The following FAM107B variants were observed in gnomAD, a reference collection of about 807,000 sequenced individuals.
FAM107B encodes the protein protein FAM107B.
In FAM107B, 21 loss-of-function variants were observed where a neutral mutation model predicts 31.5. That is an observed-to-expected ratio of 0.67 (90% CI 0.47 to 0.96). The LOEUF is 0.96. Among genes scored for constraint, FAM107B ranks in the 40% least tolerant of loss-of-function variants. The probability of loss-of-function intolerance (pLI) is 0.00; values close to 1 mark genes in which losing one functional copy is unlikely to be tolerated. For missense variants in FAM107B, 452 were observed against 377.1 expected (o/e 1.20, Z -1.64); for synonymous variants, 157 against 141.5 (o/e 1.11, Z -0.78).
At chr10:14,661,586 C>A (rs1854241379) in intron 2 of FAM107B, 1 of 152,230 alleles carries the variant, frequency 6.6e-6, no homozygotes, top group Non-Finnish European at 1.5e-5. Flanking sequence ...TAGAATTTCA[C>A]CACTGGGGCT....
intron 1 of FAM107B, among the ~76,000 whole-genome samples, chr10:14,719,656 G>A (rs567945601): frequency 6.6e-6 from 1 of 152,284 alleles, no homozygotes; most frequent in South Asian, 2.1e-4. Context: ...TCGAGGGGGA[G>A]AGAAAGGAAA....
In FAM107B at chr10:14,698,778, G is replaced by A. The variant is rs867425560; in HGVS notation, c.412-31087C>T. On this transcript the variant is annotated intron_variant, in intron 1 of 4. Transcript: ENST00000181796. The stretch of plus-strand genomic sequence containing the variant: ...AATGACAAATTAGAAGACGTTGCCC[G>A]GCCCTCTTTGAGCCTGAGACATAAG... 6.6e-4 allele frequency among the ~76,000 whole-genome samples: 100 copies of A among 152,182 alleles called. 5 individuals carry two copies. The highest frequency in any genetic ancestry group is 2.1e-4 in the South Asian group (1 of 4,830).
chr10:14,536,293 C>T (rs981422161), intron 2 of FAM107B, among the ~76,000 whole-genome samples: 1 of 152,226 alleles, frequency 6.6e-6, no homozygotes, highest in African/African-American at 2.4e-5. Context: ...TACAGGTGCG[C>T]TACCACCAAC....
intron 1 of FAM107B, among the ~76,000 whole-genome samples, chr10:14,767,053 TATAGAGAGAGAG>T (rs1209734314): frequency 1.7e-3 from 44 of 26,408 alleles, no homozygotes; most frequent in East Asian, 5.6e-3. Flanking sequence ...TATATATATA[TATAGAGAGAGAG>T]AGAGAGAGAG....
At chr10:14,737,792 C>CTCTT (rs986186398) in intron 1 of FAM107B, among the ~76,000 whole-genome samples, 174 of 151,442 alleles carry the variant, frequency 1.1e-3, no homozygotes, top group African/African-American at 4.0e-3. Context: ...CTCTCTCTCT[C>CTCTT]TCTCTCTCCT....
chr10:14,668,029 G>GT lies in FAM107B; in HGVS notation c.412-339dup, dbSNP rs555755346. Among the ~76,000 whole-genome samples, 1,083 of 151,268 alleles carry GT rather than the reference G, an allele frequency of 7.2e-3. 15 individuals are homozygous for GT. Among genetic ancestry groups the GT allele is most frequent in the African/African-American group, 0.025 (1,021 of 40,948 alleles). On this transcript the variant is annotated intron_variant, in intron 1 of 4. Transcript: ENST00000181796. Reference sequence around the variant, plus strand: ...GTGACTTAGAAATGATGGTGACGGGGTTTTTTTTGTTTTTTGTTTTTTGGG... The same window carrying GT: ...GTGACTTAGAAATGATGGTGACGGGGTTTTTTTTTGTTTTTTGTTTTTTGGG...
chr10:14,671,888 A>C lies in FAM107B; in HGVS notation c.412-4197T>G, dbSNP rs998035810. The stretch of plus-strand genomic sequence containing the variant: ...CCTTTTATTTAAAAAAAAAAAACAA[A>C]AAAACAAAAAAAAAACCCTCTATTT... On this transcript the variant is annotated intron_variant, in intron 1 of 4. Coordinates refer to ENST00000181796, the MANE Select transcript of FAM107B (RefSeq NM_031453.4). Among the ~76,000 whole-genome samples the C allele has an allele frequency of 2.7e-4, 40 of 149,100 alleles. 1 individual carries two copies. The highest frequency in any genetic ancestry group is 3.3e-4 in the Admixed American group (5 of 14,954).
intron 2 of FAM107B, among the ~76,000 whole-genome samples, chr10:14,641,158 C>A (rs977343643): frequency 6.6e-6 from 1 of 152,208 alleles, no homozygotes; most frequent in African/African-American, 2.4e-5. Context: ...CAAAGCCCTA[C>A]CACCTTCTGT....
In FAM107B at chr10:14,767,077, GAGAGAGAGAGAGAGAGAGAGAGAC is replaced by G. The variant is rs1200590788; in HGVS notation, c.411+7152_411+7175del. Among the ~76,000 whole-genome samples, 285 of 90,998 alleles carry G rather than the reference GAGAGAGAGAGAGAGAGAGAGAGAC, an allele frequency of 3.1e-3. 5 individuals carry two copies. The highest frequency in any genetic ancestry group is 0.012 in the African/African-American group (272 of 23,128). 59.7% of individuals were successfully genotyped at this position (90,998 alleles called of 152,430 possible). ...ATATAGAGAGAGAGAGAGAGAGAGA[GAGAGAGAGAGAGAGAGAGAGAGAC>G]AGAGAGAGAGAGAGAGAGAGTTTCC... is the stretch of plus-strand genomic sequence containing the variant. On this transcript the variant is annotated intron_variant, in intron 1 of 4. Transcript: ENST00000181796.
At chr10:14,760,658 G>A (rs1474680742) in intron 1 of FAM107B, among the ~76,000 whole-genome samples, 1 of 151,192 alleles carries the variant, frequency 6.6e-6, no homozygotes, top group Non-Finnish European at 1.5e-5. Flanking sequence ...GATATGCAGA[G>A]AACTCAATAT....
Position 14,724,646 on chromosome 10 carries a change from G to A in FAM107B, c.411+49607C>T, listed in dbSNP as rs768209939. On this transcript the variant is annotated intron_variant, in intron 1 of 4. Transcript: ENST00000181796. ...ACATTTTTATTTTCAGGAGGAGAGC[G>A]TTCCCTAGGATGAGAAGCTTAGACC... Among the ~76,000 whole-genome samples, 23 of 151,908 alleles carry A rather than the reference G, an allele frequency of 1.5e-4. No homozygotes were observed. The East Asian group carries it at 1.7e-3, about 11-fold the overall frequency.
At chr10:14,611,033 C>T (rs992886728) in intron 2 of FAM107B, among the ~76,000 whole-genome samples, 1 of 152,148 alleles carries the variant, frequency 6.6e-6, no homozygotes, top group African/African-American at 2.4e-5. Flanking sequence ...CGCGAAGAAT[C>T]GAGAGAAACA....
At chr10:14,754,404 G>A (rs1025041049) in intron 1 of FAM107B, among the ~76,000 whole-genome samples, 2 of 152,170 alleles carry the variant, frequency 1.3e-5, no homozygotes, top group African/African-American at 4.8e-5. Flanking sequence ...GACCTGACTT[G>A]ACTAATCCAA....
At chr10:14,726,958 G>A (rs1374331564) in intron 1 of FAM107B, among the ~76,000 whole-genome samples, 1 of 151,992 alleles carries the variant, frequency 6.6e-6, no homozygotes, top group Non-Finnish European at 1.5e-5. Flanking sequence ...TGGGAACCCT[G>A]AGCTTGTTTT....
At chr10:14,625,354 C>T (rs17155611) in intron 2 of FAM107B, among the ~76,000 whole-genome samples, 8,627 of 151,958 alleles carry the variant, frequency 0.057, 273 homozygotes, top group South Asian at 0.072. Flanking sequence ...CAGAGTCATC[C>T]TTCGTTTCAT....
intron 1 of FAM107B, among the ~76,000 whole-genome samples, chr10:14,749,212 A>G (rs141502979): frequency 6.6e-6 from 1 of 152,306 alleles, no homozygotes; most frequent in Non-Finnish European, 1.5e-5. Flanking sequence ...AAGCCAGGAA[A>G]CAATGCCACT....
In FAM107B at chr10:14,762,161, C is replaced by T. The variant is rs1411647950; in HGVS notation, c.411+12092G>A. Among the ~76,000 whole-genome samples, 3 of 152,254 alleles carry T rather than the reference C, an allele frequency of 2.0e-5. No individual in the cohort carries two copies. In the South Asian group the frequency reaches 6.2e-4, roughly 32 times the overall value. On this transcript the variant is annotated intron_variant, in intron 1 of 4. Coordinates refer to ENST00000181796, the MANE Select transcript of FAM107B (RefSeq NM_031453.4). Reference sequence around the variant, plus strand: ...TCCCTAGATTGTTTGTTTTTCTTTGCAGGCTCCTGCTCTCATGCTCACAGG... The same window carrying T: ...TCCCTAGATTGTTTGTTTTTCTTTGTAGGCTCCTGCTCTCATGCTCACAGG...
At chr10:14,573,157 T>G (rs1395793140) in intron 2 of FAM107B, among the ~76,000 whole-genome samples, 6 of 152,084 alleles carry the variant, frequency 3.9e-5, no homozygotes, top group Admixed American at 3.9e-4. Context: ...AGAAACAGGC[T>G]TGGTGGAAAG....
At chr10:14,567,287 A>G (rs111792205) in intron 2 of FAM107B, among the ~76,000 whole-genome samples, 3,233 of 152,302 alleles carry the variant, frequency 0.021, 113 homozygotes, top group African/African-American at 0.074. Context: ...TACAGGCCCA[A>G]GAGCAGGCGG....
Sources: gnomAD v4.1 joint callset for allele counts (sites outside exome capture counted in the v4.1 genomes callset) on GRCh38, gnomAD v4.1.1 for gene constraint, MANE v1.5 for transcripts, NCBI Gene and HGNC (gene_info 2026-07-23, HGNC 2026-07-21) for gene names.